Variants in WNK2 observed in about 807,000 individuals in gnomAD.
WNK2 encodes WNK lysine deficient protein kinase 2.
In WNK2, 67 loss-of-function variants were observed where a neutral mutation model predicts 192.1. The observed-to-expected ratio is 0.35, with a 90% CI of 0.29 to 0.43. The LOEUF (loss-of-function observed/expected upper bound fraction) is 0.43, where lower values mean the gene tolerates loss of function less well. WNK2 is among the 20% of genes least tolerant of loss of function. The pLI is 1.00. For missense variants in WNK2, 2,698 were observed against 3,089.7 expected, an observed-to-expected ratio of 0.87 and a Z score of 3.01; for synonymous variants, 1,439 against 1,393.9, an observed-to-expected ratio of 1.03 and a Z score of -0.72.
intron 7 of WNK2, among the ~76,000 whole-genome samples, chr9:93,241,039 G>A (rs1248342626): frequency 6.6e-6 from 1 of 152,206 alleles, no homozygotes; most frequent in Non-Finnish European, 1.5e-5. Flanking sequence ...CAGGGATAGG[G>A]CATGTTTGCT....
intron 19 of WNK2, among the ~76,000 whole-genome samples, chr9:93,277,907 T>C (rs1034597322): frequency 1.3e-5 from 2 of 152,064 alleles, no homozygotes; most frequent in African/African-American, 2.4e-5. Flanking sequence ...AGAAATAAGA[T>C]AGCATAAAAG....
In WNK2 at chr9:93,308,483, G is replaced by C; in HGVS notation, c.6415G>C (p.Ala2139Pro). 1 of 1,609,156 alleles carries C rather than the reference G, an allele frequency of 6.2e-7. No homozygotes were observed. The highest frequency in any genetic ancestry group is 1.7e-5 in the Admixed American group (1 of 59,552). The change falls in exon 28 of 30, where the codon GCC becomes CCC. Residue 2139 changes from alanine to proline, a missense_variant. Ala to Pro is a conservative substitution (Grantham distance 27, BLOSUM62 -1). Coordinates refer to ENST00000427277, the MANE Select transcript of WNK2 (RefSeq NM_006648.4). ...VDEWTSKTVG[A>P]AQLKPTLNQL... ...CGAGTGGACGAGCAAGACGGTGGGG[G>C]CCGCGCAGCTGAAGCCCACGCTCAA...
Position 93,247,246 on chromosome 9 carries a change from G to A in WNK2, c.1543-297G>A, listed in dbSNP as rs1273828408. 2.6e-5 allele frequency among the ~76,000 whole-genome samples: 4 copies of A among 152,328 alleles called. No homozygotes were observed. In the East Asian group the frequency reaches 7.7e-4, roughly 29 times the overall value. ...TTCCCGTCTGCCACCAGCCCCGGGG[G>A]CGCTGGGAGCTCAGGGAGCCCTTGG... On this transcript the variant is annotated intron_variant, in intron 7 of 29. Transcript: ENST00000427277. This position sits in a 1 kb window ranked among gnomAD's most constrained non-coding sequence, Gnocchi z 5.2.
At position 93,263,218 on chromosome 9, in the gene WNK2, C is replaced by T. The variant is rs117044078; in HGVS notation, c.3411-348C>T. The T allele has an allele frequency of 2.6e-3, 1,093 of 416,074 alleles. 23 individuals carry two copies. In the East Asian group the frequency reaches 0.044, roughly 17 times the overall value. The allele number at this position is 416,074 out of a possible 1,614,324, so 25.8% of individuals were successfully genotyped here. A position where few individuals can be genotyped will look rare whatever the true frequency, so the allele number is the denominator to read the frequency against. ...GCTTGGCATTTTGCAAACTGCAAAA[C>T]GGATTGGCCTCACAACAGTGGTGGG... On this transcript the variant is annotated intron_variant, in intron 14 of 29. Transcript: ENST00000427277.
At chr9:93,306,553 T>G in intron 26 of WNK2, 2 of 581,472 alleles carry the variant, frequency 3.4e-6, no homozygotes, top group Non-Finnish European at 6.2e-6. Context: ...GCTTAGGGGC[T>G]TGGCCCTGGC....
chr9:93,300,398 G>A (rs1488336037), intron 26 of WNK2: 5 of 376,330 alleles, frequency 1.3e-5, no homozygotes, highest in African/African-American at 1.0e-4. Context: ...CGGAAAGCAT[G>A]TGCAGCGGCT....
At chr9:93,280,902 G>C (rs1309273337) in intron 19 of WNK2, among the ~76,000 whole-genome samples, 1 of 152,070 alleles carries the variant, frequency 6.6e-6, no homozygotes, top group Non-Finnish European at 1.5e-5. Flanking sequence ...GCAGTAAAAA[G>C]GAATCAATTG....
At chr9:93,206,745 C>T (rs943764425) in intron 2 of WNK2, among the ~76,000 whole-genome samples, 81 of 152,286 alleles carry the variant, frequency 5.3e-4, no homozygotes, top group Admixed American at 5.3e-3. Context: ...GGAGGCTGTG[C>T]CCTCTTGGGG....
intron 19 of WNK2, among the ~76,000 whole-genome samples, chr9:93,271,508 A>G (rs1001751299): frequency 2.0e-5 from 3 of 152,248 alleles, no homozygotes; most frequent in Non-Finnish European, 2.9e-5. Context: ...AGCAATGACA[A>G]ACATTCTTGA....
chr9:93,198,667 CT>C lies in WNK2; in HGVS notation c.681+13060del, dbSNP rs1368686147. 3.3e-5 allele frequency among the ~76,000 whole-genome samples: 5 copies of C among 152,328 alleles called. No homozygotes were observed. In the East Asian group the frequency reaches 9.7e-4, roughly 29 times the overall value. On this transcript the variant is annotated intron_variant, in intron 2 of 29. Transcript: ENST00000427277. ...CCATCCTCTGATGTGGCAGTTTTCA[CT>C]TTGGTATATGCCCTTCTTAGCTTGT... is the stretch of plus-strand genomic sequence containing the variant.
intron 26 of WNK2, among the ~76,000 whole-genome samples, chr9:93,301,552 C>A (rs1477973971): frequency 6.6e-6 from 1 of 152,190 alleles, no homozygotes; most frequent in Admixed American, 6.5e-5. Context: ...TGGTGAGTTG[C>A]TGAGTTGAAT....
chr9:93,267,933 C>A lies in WNK2; in HGVS notation c.3867+17C>A. On this transcript the variant is annotated intron_variant, in intron 17 of 29. Coordinates refer to ENST00000427277, the MANE Select transcript of WNK2 (RefSeq NM_006648.4). ...ACCGGGGAGGTGAGGTTGTGAAATC[C>A]GGGGTGGGAGGTGGTGAGAGTGCAG... 6.2e-7 allele frequency: 1 copy of A among 1,610,970 alleles called. No individual in the cohort carries two copies. The highest frequency in any genetic ancestry group is 8.5e-7 in the Non-Finnish European group (1 of 1,178,566).
chr9:93,309,978 AGT>A (rs1282977247), intron 28 of WNK2, among the ~76,000 whole-genome samples: 1 of 152,222 alleles, frequency 6.6e-6, no homozygotes, highest in East Asian at 1.9e-4. Flanking sequence ...ACCTTTTGTC[AGT>A]GTGTTTTCGT....
At chr9:93,209,490 C>T (rs893136382) in intron 2 of WNK2, among the ~76,000 whole-genome samples, 1 of 152,194 alleles carries the variant, frequency 6.6e-6, no homozygotes, top group East Asian at 1.9e-4. Flanking sequence ...ACGTCCAAGA[C>T]CCTGGCTGAG....
At chr9:93,272,397 T>C (rs1564141978) in intron 19 of WNK2, among the ~76,000 whole-genome samples, 1 of 152,190 alleles carries the variant, frequency 6.6e-6, no homozygotes, top group Non-Finnish European at 1.5e-5. Flanking sequence ...GAAAGAATTA[T>C]ACAAAAAGAT....
rs1184023653 is a variant in WNK2 at position 93,289,167 on chromosome 9, A to C, written c.4413A>C (p.Pro1471=). The change falls in exon 20 of 30, where the codon CCA becomes CCC. Residue 1471 remains proline, a synonymous_variant. Coordinates refer to ENST00000427277, the MANE Select transcript of WNK2 (RefSeq NM_006648.4). The stretch of plus-strand genomic sequence containing the variant: ...CCTCAACCAGGGACGCCAGTGCCCC[A>C]AGGGAGCCCCTGCCACCTCCTGCAC... ...EAASTRDASA[P]REPLPPPAPE... 2 of 1,600,710 alleles carry C rather than the reference A, an allele frequency of 1.2e-6. No homozygotes were observed. Among genetic ancestry groups the C allele is most frequent in the African/African-American group, 2.7e-5 (2 of 74,738 alleles).
chr9:93,231,556 G>A (rs1479549478), intron 4 of WNK2, among the ~76,000 whole-genome samples: 2 of 152,222 alleles, frequency 1.3e-5, no homozygotes, highest in Non-Finnish European at 2.9e-5. Flanking sequence ...GGAGGTTTGT[G>A]GCCAGTGACG....
Position 93,292,662 on chromosome 9 carries a change from C to T in WNK2, c.5197C>T (p.Pro1733Ser). Residue 1733 changes from proline (P) to serine (S), a missense_variant, in exon 23 of 30, where the codon CCA (proline) becomes TCA (serine). This residue lies in a region of WNK2 where 1,098 missense variants were observed against 1,101.0 expected (regional missense o/e 1.00). Transcript: ENST00000427277. ...ARALGSPRKR[P>S]EQQDVSSPAK... ...AGCTTTGGGGTCCCCTCGGAAACGT[C>T]CAGAGCAGCAGGATGTCAGCTCACC... The T allele has an allele frequency of 6.3e-7, 1 of 1,579,616 alleles. No homozygotes were observed. Among genetic ancestry groups the T allele is most frequent in the East Asian group, 2.3e-5 (1 of 42,640 alleles).
In WNK2 at chr9:93,289,492, G is replaced by T. The variant is rs915335546; in HGVS notation, c.4738G>T (p.Asp1580Tyr). 6.2e-7 allele frequency: 1 copy of T among 1,608,476 alleles called. No individual in the cohort carries two copies. The highest frequency in any genetic ancestry group is 1.1e-5 in the South Asian group (1 of 90,912). ...AGCTGGGACCCCTGTGGAGGTGGGC[G>T]ACAGAGACTTCACCCTGGAGCCCCT... ...ASAGTPVEVGDRDFTLEPLRG... is the reference protein window; with the variant it reads ...ASAGTPVEVGYRDFTLEPLRG... Residue 1580 changes from aspartate (D) to tyrosine (Y), a missense_variant, in exon 20 of 30, where the codon GAC (aspartate) becomes TAC (tyrosine). Asp to Tyr is a radical substitution (Grantham distance 160). This residue lies in a region of WNK2 where 1,098 missense variants were observed against 1,101.0 expected (regional missense o/e 1.00). Coordinates refer to ENST00000427277, the MANE Select transcript of WNK2 (RefSeq NM_006648.4).
Sources: gnomAD v4.1 joint callset for allele counts (sites outside exome capture counted in the v4.1 genomes callset) on GRCh38, gnomAD v4.1.1 for gene constraint, gnomAD v4.1.1 regional missense constraint, Gnocchi (gnomAD v3.1) non-coding constraint, MANE v1.5 for transcripts, NCBI Gene and HGNC (gene_info 2026-07-23, HGNC 2026-07-21) for gene names.